The following GRIN2B variants were observed in gnomAD, a reference collection of about 807,000 sequenced individuals.
GRIN2B encodes the protein glutamate receptor ionotropic, NMDA 2B.
Under a neutral mutation model 114.5 loss-of-function variants are expected in GRIN2B, and 5 were observed. The ratio of observed to expected loss-of-function variants is 0.04; its 90% CI spans 0.02 to 0.09. The LOEUF (loss-of-function observed/expected upper bound fraction) is 0.09, where lower values mean the gene tolerates loss of function less well. Among genes scored for constraint, GRIN2B ranks in the 10% least tolerant of loss-of-function variants. The pLI, the probability that GRIN2B is intolerant of heterozygous loss-of-function variation, is 1.00. For synonymous variants in GRIN2B, 787 were observed against 745.1 expected (o/e 1.06, Z -0.92); for missense variants, 1,108 against 1,943.5 (o/e 0.57, Z 8.08).
chr12:13,907,466 T>C (rs376318328), intron 2 of GRIN2B, among the ~76,000 whole-genome samples: 22 of 147,050 alleles, frequency 1.5e-4, no homozygotes, highest in African/African-American at 4.8e-4. Flanking sequence ...CACCTCAGCC[T>C]AGGCAACAGA....
intron 2 of GRIN2B, among the ~76,000 whole-genome samples, chr12:13,972,727 G>T (rs892257535): frequency 6.6e-6 from 1 of 152,164 alleles, no homozygotes; most frequent in Non-Finnish European, 1.5e-5. Flanking sequence ...TTTAAAGGGT[G>T]GTTGTCGAGG....
At chr12:13,786,763 A>G (rs78812890) in intron 3 of GRIN2B, among the ~76,000 whole-genome samples, 25,633 of 152,076 alleles carry the variant, frequency 0.17, 2,382 homozygotes, top group South Asian at 0.26. Context: ...TACAAACTCA[A>G]AGGGGAAGAA....
intron 3 of GRIN2B, among the ~76,000 whole-genome samples, chr12:13,761,284 A>G (rs1040672364): frequency 1.1e-4 from 17 of 152,110 alleles, no homozygotes; most frequent in Admixed American, 5.2e-4. Flanking sequence ...ATTTGGCCCC[A>G]TTTTCCTCCC....
chr12:13,790,204 C>T (rs529953224), intron 3 of GRIN2B, among the ~76,000 whole-genome samples: 2 of 152,284 alleles, frequency 1.3e-5, no homozygotes, highest in Middle Eastern at 3.4e-3. Context: ...TCTAAGCCTT[C>T]GGCCTGCAGG....
intron 3 of GRIN2B, among the ~76,000 whole-genome samples, chr12:13,809,231 T>C (rs566438436): frequency 7.2e-4 from 110 of 152,276 alleles, no homozygotes; most frequent in African/African-American, 2.6e-3. Flanking sequence ...GAAAAACCAA[T>C]TTCCTAATTT....
intron 3 of GRIN2B, among the ~76,000 whole-genome samples, chr12:13,815,375 GAAA>G (rs3216542): frequency 9.1e-5 from 12 of 131,386 alleles, no homozygotes; most frequent in Admixed American, 3.8e-4. Flanking sequence ...GAACAGACAA[GAAA>G]AAAAAAAAAG....
rs560584028 is a variant in GRIN2B at position 13,631,252 on chromosome 12, G to A, written c.1126-14595C>T. ...TCTCACATCCTCCACTGAAGGGCAGGCGGATATCTGGTCTCAAAGCAAGAG... is the reference window on the plus strand; with the variant it reads ...TCTCACATCCTCCACTGAAGGGCAGACGGATATCTGGTCTCAAAGCAAGAG... On this transcript the variant is annotated intron_variant, in intron 5 of 13. Coordinates refer to ENST00000609686, the MANE Select transcript of GRIN2B (RefSeq NM_000834.5). Among the ~76,000 whole-genome samples the A allele has an allele frequency of 1.2e-4, 18 of 152,274 alleles. No homozygotes were observed. The South Asian group carries it at 3.7e-3, about 32-fold the overall frequency.
At chr12:13,571,734 G>A (rs1565457789) in intron 11 of GRIN2B, 70 bp downstream of exon 11, 22 of 1,466,856 alleles carry the variant, frequency 1.5e-5, no homozygotes, top group Non-Finnish European at 2.0e-5. Context: ...CCTAGTGCAT[G>A]TGATTCAATA....
intron 2 of GRIN2B, among the ~76,000 whole-genome samples, chr12:13,904,954 T>G (rs938184981): frequency 4.6e-5 from 7 of 152,160 alleles, no homozygotes; most frequent in African/African-American, 1.7e-4. Context: ...TTACATACAT[T>G]TATTTATGTT....
At position 13,566,505 on chromosome 12, in the gene GRIN2B, T is replaced by A. The variant is rs776017214; in HGVS notation, c.2598+520A>T. ...GCTCCAACTAGGGAAGTTTCTGGAA[T>A]GTAAATTTCTTATGAGTCAGAGCTT... On this transcript the variant is annotated intron_variant, in intron 13 of 13. Transcript: ENST00000609686. Among the ~76,000 whole-genome samples the A allele has an allele frequency of 4.6e-5, 7 of 152,250 alleles. No homozygotes were observed. In the South Asian group the frequency reaches 1.0e-3, roughly 22 times the overall value.
intron 3 of GRIN2B, among the ~76,000 whole-genome samples, chr12:13,816,157 A>G (rs550862942): frequency 6.6e-6 from 1 of 152,192 alleles, no homozygotes; most frequent in Non-Finnish European, 1.5e-5. Flanking sequence ...AGACCACCCT[A>G]CGTGGCTAGA....
intron 2 of GRIN2B, among the ~76,000 whole-genome samples, chr12:13,933,710 G>A (rs1357559593): frequency 6.6e-6 from 1 of 152,162 alleles, no homozygotes; most frequent in Non-Finnish European, 1.5e-5. Context: ...AGAGGCCCAT[G>A]GTGGAACTAG....
At chr12:13,606,306 A>G (rs1348394186) in intron 10 of GRIN2B, among the ~76,000 whole-genome samples, 1 of 152,166 alleles carries the variant, frequency 6.6e-6, no homozygotes, top group Non-Finnish European at 1.5e-5. Context: ...GGCTGCTTCC[A>G]CTCATGGTGG....
In GRIN2B at chr12:13,556,921, A is replaced by G. The variant is rs897887365; in HGVS notation, c.*5862T>C. 1 of 152,178 alleles carries G rather than the reference A, an allele frequency of 6.6e-6. No individual in the cohort carries two copies. The highest frequency in any genetic ancestry group is 1.5e-5 in the Non-Finnish European group (1 of 68,026). The allele number at this position is 152,178 out of a possible 1,614,324, so 9.4% of individuals were successfully genotyped here. ...ATTCCCAGTACTGCTATTCTAACCC[A>G]TTACTCTGAACAAAATTCTTTTTTC... On this transcript the variant is annotated 3_prime_UTR_variant, in exon 14 of 14. Coordinates refer to ENST00000609686, the MANE Select transcript of GRIN2B (RefSeq NM_000834.5).
chr12:13,963,856 AGCTGTCCTT>A (rs1867742159), intron 2 of GRIN2B, among the ~76,000 whole-genome samples: 1 of 152,212 alleles, frequency 6.6e-6, no homozygotes, highest in Admixed American at 6.5e-5. Context: ...GCCAGGACTC[AGCTGTCCTT>A]GTAAGGCACT....
chr12:13,893,237 C>T (rs1395256465), intron 2 of GRIN2B, among the ~76,000 whole-genome samples: 2 of 152,028 alleles, frequency 1.3e-5, no homozygotes, highest in Admixed American at 6.6e-5. Context: ...ATTCATAGGG[C>T]TTACATACAC....
In GRIN2B at chr12:13,567,086, A is replaced by C. The variant is rs1948650318; in HGVS notation, c.2537T>G (p.Phe846Cys). 3.7e-6 allele frequency: 6 copies of C among 1,614,226 alleles called. No individual in the cohort carries two copies. Among genetic ancestry groups the C allele is most frequent in the Non-Finnish European group, 5.1e-6 (6 of 1,180,036 alleles). ...ACAGACACCCATAAAGCAATGTCGG[A>C]ACTGCCAATAGAAAAGGTGTTCGCA... is the stretch of plus-strand genomic sequence containing the variant. The part of the protein sequence containing the change: ...FICEHLFYWQ[F>C]RHCFMGVCSG... Residue 846 changes from phenylalanine to cysteine, a missense_variant, in exon 13 of 14, where the codon TTC becomes TGC. This residue lies in a region of GRIN2B where 30 missense variants were observed against 35.9 expected (regional missense o/e 0.84). Coordinates refer to ENST00000609686, the MANE Select transcript of GRIN2B (RefSeq NM_000834.5).
intron 3 of GRIN2B, among the ~76,000 whole-genome samples, chr12:13,840,784 A>C (rs1865365330): frequency 6.6e-6 from 1 of 151,954 alleles, no homozygotes; most frequent in African/African-American, 2.4e-5. Flanking sequence ...CGTATGCTAC[A>C]TTCTCTGAGT....
rs575105573 is a variant in GRIN2B at position 13,801,120 on chromosome 12, A to G, written c.412-47205T>C. The stretch of plus-strand genomic sequence containing the variant: ...AAACAATACGTACAATTTGTAATAA[A>G]CCAAAACCTGCCATATCAACATATA... On this transcript the variant is annotated intron_variant, in intron 3 of 13. Transcript: ENST00000609686. Among the ~76,000 whole-genome samples, 24 of 152,250 alleles carry G rather than the reference A, an allele frequency of 1.6e-4. No individual in the cohort carries two copies. In the South Asian group the frequency reaches 3.1e-3, roughly 20 times the overall value.
Sources: gnomAD v4.1 joint callset for allele counts (sites outside exome capture counted in the v4.1 genomes callset) on GRCh38, gnomAD v4.1.1 for gene constraint, gnomAD v4.1.1 regional missense constraint, MANE v1.5 for transcripts, NCBI Gene and HGNC (gene_info 2026-07-23, HGNC 2026-07-21) for gene names.